The following SLC24A2 variants were observed in gnomAD, a reference collection of about 807,000 sequenced individuals.
SLC24A2 encodes the protein sodium/potassium/calcium exchanger 2.
SLC24A2 carries 36 observed loss-of-function variants against 62.0 expected under a neutral mutation model. The ratio of observed to expected loss-of-function variants is 0.58; its 90% CI spans 0.44 to 0.77. SLC24A2 has a LOEUF of 0.77. Among genes scored for constraint, SLC24A2 ranks in the 30% least tolerant of loss-of-function variants. SLC24A2 has a pLI of 0.00. For synonymous variants in SLC24A2, 358 were observed against 294.0 expected, an observed-to-expected ratio of 1.22 and a Z score of -2.23; for missense variants, 846 against 817.9, an observed-to-expected ratio of 1.03 and a Z score of -0.42.
At chr9:19,854,982 G>A in the SLC24A2 span, among the ~76,000 whole-genome samples, 6 of 152,118 alleles carry the variant, frequency 3.9e-5, no homozygotes, top group African/African-American at 1.4e-4. Context: ...TCCTGTATTG[G>A]TGTATATATA....
chr9:20,244,412 G>C, the SLC24A2 span, among the ~76,000 whole-genome samples: 1 of 152,184 alleles, frequency 6.6e-6, no homozygotes, highest in Non-Finnish European at 1.5e-5. Context: ...AAAGAGACCA[G>C]ATGGCCCTCA....
intron 8 of SLC24A2, among the ~76,000 whole-genome samples, chr9:19,544,187 C>G (rs1014276098): frequency 1.3e-5 from 2 of 148,490 alleles, no homozygotes; most frequent in Non-Finnish European, 1.5e-5. Context: ...TAGGTAATGG[C>G]CTTCTTTCTC....
At chr9:20,191,509 A>G in the SLC24A2 span, among the ~76,000 whole-genome samples, 81,426 of 151,544 alleles carry the variant, frequency 0.54, 24,032 homozygotes, top group East Asian at 0.86. Flanking sequence ...CTAGTCCAGA[A>G]AGCATTCCGA....
At chr9:20,296,376 G>T in the SLC24A2 span, among the ~76,000 whole-genome samples, 1 of 152,138 alleles carries the variant, frequency 6.6e-6, no homozygotes, top group Non-Finnish European at 1.5e-5. Context: ...ATCATTTCTA[G>T]TACTGGTGAT....
intron 2 of SLC24A2, among the ~76,000 whole-genome samples, chr9:19,642,087 C>T (rs1818512098): frequency 6.6e-6 from 1 of 152,032 alleles, no homozygotes; most frequent in Admixed American, 6.6e-5. Flanking sequence ...GTTAAATTCC[C>T]AGGTCAGGGT....
At chr9:19,810,994 G>A in the SLC24A2 span, among the ~76,000 whole-genome samples, 46 of 151,880 alleles carry the variant, frequency 3.0e-4, 1 homozygote, top group South Asian at 8.3e-3. Context: ...CTTTCACTCC[G>A]CAGTGAACAA....
the SLC24A2 span, among the ~76,000 whole-genome samples, chr9:20,101,450 T>C: frequency 6.6e-6 from 1 of 152,386 alleles, no homozygotes; most frequent in East Asian, 1.9e-4. Flanking sequence ...CAGATCTTTG[T>C]TTTCAGAAGA....
At chr9:19,860,450 C>T in the SLC24A2 span, among the ~76,000 whole-genome samples, 24 of 152,044 alleles carry the variant, frequency 1.6e-4, no homozygotes, top group African/African-American at 4.1e-4. Context: ...TACTCAAGTA[C>T]GATGTTGAGG....
the SLC24A2 span, among the ~76,000 whole-genome samples, chr9:20,226,922 G>C: frequency 6.6e-6 from 1 of 152,144 alleles, no homozygotes; most frequent in Admixed American, 6.6e-5. Context: ...TAGGACTAAA[G>C]TATTTGTTCT....
the SLC24A2 span, among the ~76,000 whole-genome samples, chr9:19,918,047 T>C: frequency 6.6e-6 from 1 of 152,114 alleles, no homozygotes; most frequent in Non-Finnish European, 1.5e-5. Flanking sequence ...ACTAAATTGT[T>C]TTTTTAAATA....
chr9:19,585,350 G>C (rs1836342589), intron 5 of SLC24A2, among the ~76,000 whole-genome samples: 1 of 151,986 alleles, frequency 6.6e-6, no homozygotes, highest in African/African-American at 2.4e-5. Flanking sequence ...TTTTCAGATT[G>C]GCTTCTGTGT....
chr9:20,055,228 T>A, the SLC24A2 span, among the ~76,000 whole-genome samples: 3 of 152,134 alleles, frequency 2.0e-5, no homozygotes, highest in Non-Finnish European at 4.4e-5. Context: ...TCTAGTGCTC[T>A]CATGGGAGCA....
intron 2 of SLC24A2, among the ~76,000 whole-genome samples, chr9:19,771,593 C>T (rs1418099245): frequency 1.3e-5 from 2 of 152,204 alleles, no homozygotes; most frequent in African/African-American, 2.4e-5. Flanking sequence ...CTCCATCCAC[C>T]ATGCCACCAG....
chr9:20,003,325 T>C, the SLC24A2 span, among the ~76,000 whole-genome samples: 3 of 152,174 alleles, frequency 2.0e-5, no homozygotes, highest in Admixed American at 1.3e-4. Flanking sequence ...CAAAATCCAC[T>C]CTTGTTTTCT....
intron 4 of SLC24A2, among the ~76,000 whole-genome samples, chr9:19,612,308 C>CAT (rs1837197980): frequency 1.3e-5 from 2 of 152,164 alleles, no homozygotes; most frequent in South Asian, 4.1e-4. Context: ...AAGTGCTTTT[C>CAT]ATATACTAGC....
At chr9:20,163,749 A>C in the SLC24A2 span, among the ~76,000 whole-genome samples, 257 of 152,290 alleles carry the variant, frequency 1.7e-3, no homozygotes, top group African/African-American at 4.2e-3. Flanking sequence ...AGGCTACAGT[A>C]ACCAAAACAG....
At chr9:19,870,394 A>G in the SLC24A2 span, among the ~76,000 whole-genome samples, 9 of 152,198 alleles carry the variant, frequency 5.9e-5, no homozygotes, top group African/African-American at 2.2e-4. Context: ...TTGTACAGAT[A>G]TACCACATCT....
the SLC24A2 span, among the ~76,000 whole-genome samples, chr9:20,107,620 G>C: frequency 6.6e-6 from 1 of 152,150 alleles, no homozygotes. Flanking sequence ...CATAAATGGT[G>C]CTGGGAAAAC....
the SLC24A2 span, among the ~76,000 whole-genome samples, chr9:19,837,928 C>T: frequency 6.6e-6 from 1 of 152,052 alleles, no homozygotes; most frequent in Middle Eastern, 3.4e-3. Context: ...AGGTTACAAA[C>T]AAATGGAAGA....
Sources: gnomAD v4.1 joint callset for allele counts (sites outside exome capture counted in the v4.1 genomes callset) on GRCh38, gnomAD v4.1.1 for gene constraint, MANE v1.5 for transcripts, NCBI Gene and HGNC (gene_info 2026-07-23, HGNC 2026-07-21) for gene names.